Variants in NKAIN2 observed in about 807,000 individuals in gnomAD.
The protein encoded by NKAIN2 is sodium/potassium-transporting ATPase subunit beta-1-interacting protein 2.
A neutral mutation model predicts 32.6 loss-of-function variants in NKAIN2; 14 were observed. The observed-to-expected ratio is 0.43, with a 90% CI of 0.28 to 0.67. The LOEUF is 0.67. Ranked by LOEUF, NKAIN2 falls within the 30% of genes least tolerant of loss-of-function variation. NKAIN2 has a pLI of 0.17. For missense variants in NKAIN2, 198 were observed against 258.3 expected (o/e 0.77, Z 1.60); for synonymous variants, 80 against 87.2 (o/e 0.92, Z 0.46).
chr6:124,162,075 TG>T (rs1184511122), intron 1 of NKAIN2, among the ~76,000 whole-genome samples: 1 of 152,188 alleles, frequency 6.6e-6, no homozygotes, highest in Non-Finnish European at 1.5e-5. Context: ...CTTTTATTTC[TG>T]GGGAAAGTCA....
intron 1 of NKAIN2, among the ~76,000 whole-genome samples, chr6:123,842,286 G>T (rs1159644204): frequency 6.6e-6 from 1 of 152,194 alleles, no homozygotes; most frequent in East Asian, 1.9e-4. Flanking sequence ...AGAAATCCAA[G>T]ATCAAAGTGC....
At chr6:124,778,782 A>G (rs1779098560) in intron 4 of NKAIN2, among the ~76,000 whole-genome samples, 2 of 152,138 alleles carry the variant, frequency 1.3e-5, no homozygotes, top group African/African-American at 4.8e-5. Context: ...GCCTGCTTAA[A>G]GGAAAAAAAA....
At chr6:124,697,601 C>T (rs1316421765) in intron 4 of NKAIN2, among the ~76,000 whole-genome samples, 1 of 152,158 alleles carries the variant, frequency 6.6e-6, no homozygotes, top group African/African-American at 2.4e-5. Flanking sequence ...GAAACTGATG[C>T]AGGATTTCAG....
At chr6:124,179,624 A>G (rs1789336937) in intron 1 of NKAIN2, among the ~76,000 whole-genome samples, 1 of 152,196 alleles carries the variant, frequency 6.6e-6, no homozygotes, top group Admixed American at 6.5e-5. Context: ...CTGCTGGGAG[A>G]GCAGTAGGCA....
At chr6:123,844,018 G>T (rs763772368) in intron 1 of NKAIN2, among the ~76,000 whole-genome samples, 2 of 152,152 alleles carry the variant, frequency 1.3e-5, no homozygotes, top group African/African-American at 2.4e-5. Context: ...TTCCGCTTTG[G>T]AGGTTCTGTC....
chr6:124,635,098 AAG>A (rs1398512482), intron 3 of NKAIN2, among the ~76,000 whole-genome samples: 1 of 151,874 alleles, frequency 6.6e-6, no homozygotes, highest in Non-Finnish European at 1.5e-5. Context: ...AAGAGAAAGA[AAG>A]AGAAAGAAAG....
intron 4 of NKAIN2, among the ~76,000 whole-genome samples, chr6:124,788,897 A>ATAGC (rs1779622699): frequency 6.6e-6 from 1 of 152,100 alleles, no homozygotes; most frequent in Non-Finnish European, 1.5e-5. Flanking sequence ...GGATAATTGG[A>ATAGC]AGATAGCAGA....
intron 1 of NKAIN2, among the ~76,000 whole-genome samples, chr6:124,209,242 T>C (rs1020521359): frequency 5.3e-5 from 8 of 151,976 alleles, no homozygotes; most frequent in African/African-American, 1.9e-4. Flanking sequence ...TCTGCCTGTC[T>C]TATTTCACTT....
chr6:124,262,551 A>G (rs1355588072), intron 1 of NKAIN2, among the ~76,000 whole-genome samples: 2 of 152,234 alleles, frequency 1.3e-5, no homozygotes, highest in East Asian at 1.9e-4. Flanking sequence ...AATGCTGTCA[A>G]TTCCTAAAAT....
chr6:124,309,676 T>C (rs1796641110), intron 2 of NKAIN2, among the ~76,000 whole-genome samples: 1 of 152,140 alleles, frequency 6.6e-6, no homozygotes, highest in African/African-American at 2.4e-5. Flanking sequence ...TCTGGGTGTC[T>C]TTGTCATCTC....
chr6:124,377,606 G>A (rs1425260249), intron 3 of NKAIN2, among the ~76,000 whole-genome samples: 1 of 152,118 alleles, frequency 6.6e-6, no homozygotes, highest in East Asian at 1.9e-4. Context: ...AACTTCACTG[G>A]CCAGGAGAGC....
chr6:124,698,990 G>T (rs370484010), intron 4 of NKAIN2, among the ~76,000 whole-genome samples: 1 of 152,166 alleles, frequency 6.6e-6, no homozygotes, highest in African/African-American at 2.4e-5. Context: ...TAACTGTAGG[G>T]CTTTTGGCAA....
intron 3 of NKAIN2, among the ~76,000 whole-genome samples, chr6:124,626,895 C>T (rs747752399): frequency 1.3e-5 from 2 of 152,002 alleles, no homozygotes; most frequent in East Asian, 1.9e-4. Context: ...CCTTTTTTGC[C>T]GTGTTATGTG....
chr6:124,217,110 C>A (rs1468799122), intron 1 of NKAIN2, among the ~76,000 whole-genome samples: 2 of 151,920 alleles, frequency 1.3e-5, no homozygotes, highest in Non-Finnish European at 2.9e-5. Context: ...AAATAATAGG[C>A]AAAGCTAAAA....
intron 6 of NKAIN2, 111 bp from the exon 7 acceptor site, chr6:124,823,109 T>TTTTGTTTG: frequency 1.2e-6 from 1 of 823,540 alleles, no homozygotes; most frequent in East Asian, 2.4e-5. Context: ...TGGGCTTCTT[T>TTTTGTTTG]TTTGTTTGTT....
At chr6:124,193,237 A>C (rs570391061) in intron 1 of NKAIN2, among the ~76,000 whole-genome samples, 2 of 152,184 alleles carry the variant, frequency 1.3e-5, no homozygotes, top group Non-Finnish European at 2.9e-5. Flanking sequence ...GGCCCGGCAA[A>C]CAGGGCTCAG....
intron 1 of NKAIN2, among the ~76,000 whole-genome samples, chr6:124,065,481 G>T (rs995986272): frequency 6.6e-6 from 1 of 152,122 alleles, no homozygotes; most frequent in African/African-American, 2.4e-5. Context: ...GAGCCCTCAT[G>T]AATAGGATTA....
chr6:124,441,634 G>A (rs1775691870), intron 3 of NKAIN2, among the ~76,000 whole-genome samples: 1 of 152,024 alleles, frequency 6.6e-6, no homozygotes, highest in Non-Finnish European at 1.5e-5. Flanking sequence ...ATGTGATTGA[G>A]CAAGTACACT....
intron 1 of NKAIN2, among the ~76,000 whole-genome samples, chr6:124,040,716 A>G (rs1442460613): frequency 6.6e-6 from 1 of 152,004 alleles, no homozygotes; most frequent in Admixed American, 6.6e-5. Flanking sequence ...CTATATATGC[A>G]TGTGGCTCTT....
Sources: gnomAD v4.1 joint callset for allele counts (sites outside exome capture counted in the v4.1 genomes callset) on GRCh38, gnomAD v4.1.1 for gene constraint, MANE v1.5 for transcripts, NCBI Gene and HGNC (gene_info 2026-07-23, HGNC 2026-07-21) for gene names.